Variants in DPF1 observed in about 807,000 individuals in gnomAD.
DPF1 encodes the protein zinc finger protein neuro-d4.
A neutral mutation model predicts 58.7 loss-of-function variants in DPF1; 14 were observed. The ratio of observed to expected loss-of-function variants is 0.24; its 90% CI spans 0.16 to 0.37. The LOEUF (loss-of-function observed/expected upper bound fraction) is 0.37, where lower values mean the gene tolerates loss of function less well. DPF1 is among the 10% of genes least tolerant of loss of function. The pLI is 1.00. For missense variants in DPF1, 345 were observed against 529.9 expected, an observed-to-expected ratio of 0.65 and a Z score of 3.43; for synonymous variants, 216 against 216.0, an observed-to-expected ratio of 1.00 and a Z score of 0.00.
intron 9 of DPF1, among the ~76,000 whole-genome samples, chr19:38,214,256 G>C (rs753405265): frequency 2.7e-4 from 41 of 152,314 alleles, no homozygotes; most frequent in Non-Finnish European, 4.6e-4. Flanking sequence ...TGGTGCCCCA[G>C]CAACAAAACT....
intron 5 of DPF1, among the ~76,000 whole-genome samples, chr19:38,218,213 A>G (rs751420092): frequency 6.6e-6 from 1 of 152,186 alleles, no homozygotes; most frequent in African/African-American, 2.4e-5. Flanking sequence ...AAAAAGAAAA[A>G]AAAGAAAAAA....
At position 38,216,417 on chromosome 19, in the gene DPF1, G is replaced by T; in HGVS notation, c.728-14C>A. 2 of 1,570,798 alleles carry T rather than the reference G, an allele frequency of 1.3e-6. No individual in the cohort carries two copies. The highest frequency in any genetic ancestry group is 1.7e-6 in the Non-Finnish European group (2 of 1,158,594). On this transcript the variant is annotated splice_polypyrimidine_tract_variant and intron_variant, in intron 7 of 11. Transcript: ENST00000355526. ...CTTTGTAAAACTCTGGGGTAGGGGG[G>T]ACAGAGAGAGGGACTCTCACCACAG...
rs1967520531 is a variant in DPF1 at position 38,222,092 on chromosome 19, CTG to C, written c.298+263_298+264del. Reference sequence around the variant, plus strand: ...ATTGCACGCCAGCCTGGGTGAAACTCTGTCTCAAAAATAAATAAATAAATAAA... The same window carrying C: ...ATTGCACGCCAGCCTGGGTGAAACTCTCTCAAAAATAAATAAATAAATAAA... On this transcript the variant is annotated intron_variant, in intron 3 of 11. Transcript: ENST00000355526. This position sits in a 1 kb window ranked among gnomAD's most constrained non-coding sequence, Gnocchi z 4.9. Among the ~76,000 whole-genome samples, 1 of 136,024 alleles carries C rather than the reference CTG, an allele frequency of 7.4e-6. No individual in the cohort carries two copies. Among genetic ancestry groups the C allele is most frequent in the Non-Finnish European group, 1.6e-5 (1 of 61,960 alleles). 89.2% of individuals were successfully genotyped at this position (136,024 alleles called of 152,430 possible).
chr19:38,211,802 G>A lies in DPF1; in HGVS notation c.*261C>T, dbSNP rs1302606218. ...CCCCCCATGCCCGCCCAGAGGCGGG[G>A]TATGGCTTTGAGGGGAGAAGCCCCT... On this transcript the variant is annotated 3_prime_UTR_variant, in exon 12 of 12. Coordinates refer to ENST00000355526, the MANE Select transcript of DPF1 (RefSeq NM_001135155.3). The surrounding 1 kb of genome is among the most constrained non-coding windows in gnomAD (Gnocchi z 4.0). 3.3e-5 allele frequency: 17 copies of A among 519,878 alleles called. No individual in the cohort carries two copies. The highest frequency in any genetic ancestry group is 5.1e-5 in the Non-Finnish European group (15 of 296,020). 32.2% of individuals were successfully genotyped at this position (519,878 alleles called of 1,614,324 possible). A position where few individuals can be genotyped will look rare whatever the true frequency, so the allele number is the denominator to read the frequency against.
At chr19:38,221,156 G>A (rs540384701) in intron 3 of DPF1, among the ~76,000 whole-genome samples, 1 of 152,288 alleles carries the variant, frequency 6.6e-6, no homozygotes, top group South Asian at 2.1e-4. Flanking sequence ...ACACCTAAGA[G>A]AGGAAAGAGC....
chr19:38,225,097 T>C (rs62123463), upstream of DPF1, among the ~76,000 whole-genome samples: 350 of 152,102 alleles, frequency 2.3e-3, 1 homozygote, highest in Admixed American at 3.7e-3. Context: ...AAATACAAAA[T>C]TAGCCGGGCA....
chr19:38,218,734 A>G, intron 4 of DPF1, 72 bp from the exon 5 acceptor site: 6 of 1,576,044 alleles, frequency 3.8e-6, no homozygotes, highest in Non-Finnish European at 5.2e-6. Context: ...GCTCTGGGCA[A>G]AGGTGGAGAT....
At chr19:38,224,664 A>G (rs1466554610), upstream of DPF1, among the ~76,000 whole-genome samples, 1 of 150,048 alleles carries the variant, frequency 6.7e-6, no homozygotes, top group Non-Finnish European at 1.5e-5. This position sits in a 1 kb window ranked among gnomAD's most constrained non-coding sequence, Gnocchi z 4.5. Context: ...CCCCCCACCC[A>G]AGTCCCTCCT....
At chr19:38,215,370 G>A (rs1966941103) in intron 9 of DPF1, among the ~76,000 whole-genome samples, 1 of 152,014 alleles carries the variant, frequency 6.6e-6, no homozygotes, top group Admixed American at 6.5e-5. Context: ...GCGGGTGCCT[G>A]TAATCCTAGC....
upstream of DPF1, among the ~76,000 whole-genome samples, chr19:38,226,150 C>T (rs1265530675): frequency 6.6e-6 from 1 of 151,990 alleles, no homozygotes; most frequent in Admixed American, 6.6e-5. Context: ...CTGTCACCCA[C>T]ACTGACTCCA....
chr19:38,218,637 T>C lies in DPF1; in HGVS notation c.452A>G (p.His151Arg), dbSNP rs948723709. 4 of 1,614,086 alleles carry C rather than the reference T, an allele frequency of 2.5e-6. No homozygotes were observed. The Admixed American group carries it at 5.0e-5, about 20-fold the overall frequency. Residue 151 changes from histidine to arginine, a missense_variant, in exon 5 of 12, where the codon CAT becomes CGT. Physicochemically the swap from His to Arg is conservative, Grantham distance 29. Coordinates refer to ENST00000355526, the MANE Select transcript of DPF1 (RefSeq NM_001135155.3). ...CQKQQLLEFP[H>R]DLEVEDLEDD... Reference sequence around the variant, plus strand: ...CTCCAAGTCTTCCACCTCGAGGTCATGCGGAAACTCCAGCAACTGCTGTTT... The same window carrying C: ...CTCCAAGTCTTCCACCTCGAGGTCACGCGGAAACTCCAGCAACTGCTGTTT...
chr19:38,225,395 C>T (rs1465352293), upstream of DPF1, among the ~76,000 whole-genome samples: 1 of 152,000 alleles, frequency 6.6e-6, no homozygotes, highest in Non-Finnish European at 1.5e-5. Flanking sequence ...ATCCAGACCC[C>T]TGTGTCTACA....
intron 9 of DPF1, among the ~76,000 whole-genome samples, chr19:38,214,144 G>A (rs557976352): frequency 6.6e-6 from 1 of 152,170 alleles, no homozygotes; most frequent in Non-Finnish European, 1.5e-5. Context: ...GTTAACCACA[G>A]CAACGTGGCA....
upstream of DPF1, chr19:38,224,284 C>T (rs1967718433): frequency 4.0e-6 from 5 of 1,262,988 alleles, no homozygotes; most frequent in South Asian, 3.1e-5. This position sits in a 1 kb window ranked among gnomAD's most constrained non-coding sequence, Gnocchi z 4.5. Context: ...ACGGGGCGGG[C>T]CCGCCCGGGC....
chr19:38,224,005 G>A lies in DPF1; in HGVS notation c.29+109C>T. ...GCACCCCCGCGCAGCCCCGCACTCG[G>A]TGACAGCCCCCCAGACACCCCTTCG... On this transcript the variant is annotated intron_variant, in intron 1 of 11. Transcript: ENST00000355526. This position sits in a 1 kb window ranked among gnomAD's most constrained non-coding sequence, Gnocchi z 4.5. The A allele has an allele frequency of 2.2e-6, 3 of 1,334,766 alleles. No homozygotes were observed. The highest frequency in any genetic ancestry group is 4.3e-4 in the Middle Eastern group (2 of 4,606). 82.7% of individuals were successfully genotyped at this position (1,334,766 alleles called of 1,614,324 possible).
chr19:38,216,710 G>A, intron 7 of DPF1, among the ~76,000 whole-genome samples: 1 of 152,126 alleles, frequency 6.6e-6, no homozygotes, highest in South Asian at 2.1e-4. Flanking sequence ...GGGATTATAA[G>A]CGTGAGCCAC....
At position 38,218,982 on chromosome 19, in the gene DPF1, C is replaced by A. The variant is rs771080092; in HGVS notation, c.375G>T (p.Thr125=). 6.2e-7 allele frequency: 1 copy of A among 1,614,216 alleles called. No homozygotes were observed. Among genetic ancestry groups the A allele is most frequent in the Non-Finnish European group, 8.5e-7 (1 of 1,180,032 alleles). The change falls in exon 4 of 12, where the codon ACG becomes ACT. Residue 125 remains threonine (T), a synonymous_variant. Coordinates refer to ENST00000355526, the MANE Select transcript of DPF1 (RefSeq NM_001135155.3). The stretch of plus-strand genomic sequence containing the variant: ...CCTTCAGCTCAATCTTCTTCTCCCC[C>A]GTCTCTGCACACAGTAGAGCCTCGA... The part of the protein sequence containing the change: ...PVLEALLCAE[T]GEKKIELKEE...
upstream of DPF1, among the ~76,000 whole-genome samples, chr19:38,225,782 A>G (rs1464850589): frequency 6.6e-6 from 1 of 150,814 alleles, no homozygotes; most frequent in Non-Finnish European, 1.5e-5. Flanking sequence ...CCAGCTACTC[A>G]GGAGGCTGAG....
chr19:38,229,206 C>T (rs1967947150), upstream of DPF1, among the ~76,000 whole-genome samples: 1 of 152,048 alleles, frequency 6.6e-6, no homozygotes, highest in African/African-American at 2.4e-5. This position sits in a 1 kb window ranked among gnomAD's most constrained non-coding sequence, Gnocchi z 5.3. Context: ...GAGCTTTCAG[C>T]CCCGGCCGGG....
Sources: allele counts gnomAD v4.1 joint callset (sites outside exome capture counted in the v4.1 genomes callset), GRCh38; gene constraint gnomAD v4.1.1; non-coding constraint Gnocchi (gnomAD v3.1); transcripts MANE v1.5; gene names NCBI Gene and HGNC (gene_info 2026-07-23, HGNC 2026-07-21).